Variants in ZNRF3 observed in about 807,000 individuals in gnomAD.
The protein encoded by ZNRF3 is zinc and ring finger 3, also known as E3 ubiquitin-protein ligase ZNRF3.
In ZNRF3, 23 loss-of-function variants were observed where a neutral mutation model predicts 72.5. That is an observed-to-expected ratio of 0.32 (90% CI 0.23 to 0.45). ZNRF3 has a LOEUF of 0.45. ZNRF3 is among the 20% of genes least tolerant of loss of function. ZNRF3 has a pLI of 1.00. For missense variants in ZNRF3, 1,169 were observed against 1,272.1 expected (o/e 0.92, Z 1.23); for synonymous variants, 610 against 545.3 (o/e 1.12, Z -1.65).
At position 28,883,829 on chromosome 22, in the gene ZNRF3, C is replaced by T; in HGVS notation, c.63C>T (p.Arg21=). ...GCCGCCGCCGCCGCCGCCTGCGCCG[C>T]CGCCCCCGCGGCCTCCGGTGCAGCC... ...ATGRRRRRLR[R]RPRGLRCSRL... The change falls in exon 1 of 9, where the codon CGC becomes CGT. Residue 21 remains arginine (R), a synonymous_variant. Transcript: ENST00000544604. The surrounding 1 kb of genome is among the most constrained non-coding windows in gnomAD (Gnocchi z 5.5). The T allele has an allele frequency of 1.0e-6, 1 of 979,266 alleles. No homozygotes were observed. Among genetic ancestry groups the T allele is most frequent in the Non-Finnish European group, 1.2e-6 (1 of 827,436 alleles). 60.7% of individuals were successfully genotyped at this position (979,266 alleles called of 1,614,324 possible).
chr22:29,000,953 C>G (rs1006290590), intron 2 of ZNRF3, among the ~76,000 whole-genome samples: 3 of 149,734 alleles, frequency 2.0e-5, no homozygotes, highest in African/African-American at 7.4e-5. Context: ...ACACCCAGCT[C>G]ATTTTTAGAT....
chr22:29,017,316 T>TAGTTGTCTGCCTGGCAA (rs1243961583), intron 2 of ZNRF3, among the ~76,000 whole-genome samples: 2 of 152,170 alleles, frequency 1.3e-5, no homozygotes, highest in Non-Finnish European at 2.9e-5. Context: ...ATCAGGCAGG[T>TAGTTGTCTGCCTGGCAA]GTACACTGTC....
At chr22:28,891,317 G>T (rs998948185) in intron 1 of ZNRF3, among the ~76,000 whole-genome samples, 6 of 152,230 alleles carry the variant, frequency 3.9e-5, no homozygotes, top group Non-Finnish European at 8.8e-5. Flanking sequence ...TGTGACAGGG[G>T]ACACCAGATG....
intron 2 of ZNRF3, chr22:29,024,883 C>A (rs2036599841): frequency 6.6e-6 from 1 of 151,760 alleles, no homozygotes; most frequent in Non-Finnish European, 1.5e-5. Context: ...TGCCAGCTGC[C>A]ACCAACAGAA....
chr22:29,024,976 C>CCTT (rs745479901), intron 2 of ZNRF3: 12 of 110,460 alleles, frequency 1.1e-4, no homozygotes, highest in Non-Finnish European at 2.0e-4. Flanking sequence ...CCCTGTGCTA[C>CCTT]TTTTTTTTTT....
chr22:29,017,570 T>C (rs1347318493), intron 2 of ZNRF3, among the ~76,000 whole-genome samples: 1 of 150,826 alleles, frequency 6.6e-6, no homozygotes, highest in Admixed American at 6.6e-5. Context: ...ACAGAGAAGC[T>C]GGATTAGCAG....
chr22:29,035,579 A>AT (rs892010654), intron 2 of ZNRF3, among the ~76,000 whole-genome samples: 2 of 151,914 alleles, frequency 1.3e-5, no homozygotes, highest in Non-Finnish European at 2.9e-5. Context: ...TTATTTTAAA[A>AT]TTTTTTTTCT....
chr22:28,945,941 T>G (rs918227053), intron 1 of ZNRF3, among the ~76,000 whole-genome samples: 1 of 152,224 alleles, frequency 6.6e-6, no homozygotes, highest in East Asian at 1.9e-4. Context: ...TTTCTTCATA[T>G]TCCAAGTTCT....
chr22:28,949,339 A>G (rs905603890), intron 1 of ZNRF3, among the ~76,000 whole-genome samples: 3 of 152,234 alleles, frequency 2.0e-5, no homozygotes, highest in African/African-American at 7.2e-5. Flanking sequence ...CAGTGGCATG[A>G]GCTAGGCTCA....
intron 2 of ZNRF3, among the ~76,000 whole-genome samples, chr22:29,007,422 A>G (rs1472625612): frequency 6.6e-6 from 1 of 152,190 alleles, no homozygotes; most frequent in African/African-American, 2.4e-5. Flanking sequence ...GAATCGCTTA[A>G]GGCCAGGAGT....
At chr22:28,970,410 T>C (rs556294673) in intron 1 of ZNRF3, among the ~76,000 whole-genome samples, 1 of 152,356 alleles carries the variant, frequency 6.6e-6, no homozygotes, top group African/African-American at 2.4e-5. Context: ...CATACATTGC[T>C]TTTGGTAATC....
intron 1 of ZNRF3, among the ~76,000 whole-genome samples, chr22:28,921,794 G>A (rs139236073): frequency 1.3e-5 from 2 of 152,286 alleles, no homozygotes; most frequent in African/African-American, 4.8e-5. Context: ...GGACTGAAAT[G>A]CTATTATCTT....
intron 1 of ZNRF3, among the ~76,000 whole-genome samples, chr22:28,934,589 A>C (rs1240503252): frequency 6.6e-6 from 1 of 152,168 alleles, no homozygotes; most frequent in African/African-American, 2.4e-5. Flanking sequence ...AGGCTGAGGC[A>C]GGCAGATCAC....
In ZNRF3 at chr22:28,987,170, A is replaced by T; in HGVS notation, c.395A>T (p.Asp132Val). Residue 132 changes from aspartate to valine, a missense_variant, in exon 2 of 9, where the codon GAC becomes GTC. Coordinates refer to ENST00000544604, the MANE Select transcript of ZNRF3 (RefSeq NM_001206998.2). The part of the protein sequence containing the change: ...GVVKLEQPEL[D>V]PKPCLTVLGK... ...GTGAAGCTGGAACAGCCAGAATTGG[A>T]CCCGAAACCATGCCTCACTGTCCTA... The T allele has an allele frequency of 6.2e-7, 1 of 1,613,790 alleles. No individual in the cohort carries two copies.
chr22:28,954,283 C>G (rs2095820393), intron 1 of ZNRF3, among the ~76,000 whole-genome samples: 1 of 152,164 alleles, frequency 6.6e-6, no homozygotes, highest in Admixed American at 6.5e-5. Flanking sequence ...GGTGAGGGCC[C>G]TCTTCCTGGC....
chr22:29,002,473 C>T (rs1254361856), intron 2 of ZNRF3, among the ~76,000 whole-genome samples: 2 of 152,208 alleles, frequency 1.3e-5, no homozygotes, highest in East Asian at 3.8e-4. Flanking sequence ...AGGCAAGTAA[C>T]AGCTGTCAGT....
chr22:29,051,426 A>G, intron 8 of ZNRF3, among the ~76,000 whole-genome samples: 1 of 152,110 alleles, frequency 6.6e-6, no homozygotes, highest in South Asian at 2.1e-4. Context: ...GAGCCACTTC[A>G]TAAACATTCT....
At chr22:28,887,235 AGTGTGTGT>A (rs1179478685) in intron 1 of ZNRF3, among the ~76,000 whole-genome samples, 13 of 93,092 alleles carry the variant, frequency 1.4e-4, no homozygotes, top group African/African-American at 2.4e-4. Flanking sequence ...AGAGAGAGAG[AGTGTGTGT>A]GTGTGTGTGT....
chr22:28,930,467 C>T (rs115274927), intron 1 of ZNRF3, among the ~76,000 whole-genome samples: 1,695 of 152,240 alleles, frequency 0.011, 38 homozygotes, highest in African/African-American at 0.039. Context: ...AGGATGGTTC[C>T]GATTTGAGAG....
Sources: allele counts gnomAD v4.1 joint callset (sites outside exome capture counted in the v4.1 genomes callset), GRCh38; gene constraint gnomAD v4.1.1; non-coding constraint Gnocchi (gnomAD v3.1); transcripts MANE v1.5; gene names NCBI Gene and HGNC (gene_info 2026-07-23, HGNC 2026-07-21).